KIF11: variants seen among roughly 807,000 people sequenced by gnomAD.
KIF11 encodes the protein kinesin-like protein KIF11.
A neutral mutation model predicts 121.0 loss-of-function variants in KIF11; 9 were observed. The observed-to-expected ratio is 0.07, with a 90% CI of 0.04 to 0.13. The LOEUF (loss-of-function observed/expected upper bound fraction) is 0.13, where lower values mean the gene tolerates loss of function less well. KIF11 is among the 10% of genes least tolerant of loss of function. The probability of loss-of-function intolerance (pLI) is 1.00; values close to 1 mark genes in which losing one functional copy is unlikely to be tolerated. For synonymous variants in KIF11, 408 were observed against 421.0 expected, an observed-to-expected ratio of 0.97 and a Z score of 0.38; for missense variants, 846 against 1,217.5, an observed-to-expected ratio of 0.69 and a Z score of 4.54.
intron 6 of KIF11, among the ~76,000 whole-genome samples, chr10:92,609,931 T>A (rs1326670235): frequency 6.6e-6 from 1 of 152,094 alleles, no homozygotes; most frequent in Non-Finnish European, 1.5e-5. Context: ...GAGATGTGGT[T>A]TCACCATGTT....
At chr10:92,595,316 T>C (rs1274759464) in intron 1 of KIF11, among the ~76,000 whole-genome samples, 1 of 152,164 alleles carries the variant, frequency 6.6e-6, no homozygotes, top group East Asian at 1.9e-4. Flanking sequence ...CACCTTGGCC[T>C]CCCAAAGTGC....
intron 17 of KIF11, 88 bp downstream of exon 17, chr10:92,639,988 C>A: frequency 1.5e-6 from 1 of 655,464 alleles, no homozygotes. Flanking sequence ...AATAATTCCT[C>A]TGTGTACTTT....
intron 10 of KIF11, among the ~76,000 whole-genome samples, chr10:92,626,469 C>T (rs945551718): frequency 2.6e-5 from 4 of 152,098 alleles, no homozygotes; most frequent in African/African-American, 9.7e-5. Context: ...TGTAAAAAAC[C>T]TAGGTGTTTG....
chr10:92,599,058 G>A (rs1844334176), intron 1 of KIF11, among the ~76,000 whole-genome samples: 1 of 151,760 alleles, frequency 6.6e-6, no homozygotes, highest in Non-Finnish European at 1.5e-5. Flanking sequence ...GATTATAGGC[G>A]TGAGCCACTG....
intron 1 of KIF11, among the ~76,000 whole-genome samples, chr10:92,600,888 T>C (rs1844361823): frequency 6.6e-6 from 1 of 151,842 alleles, no homozygotes. Flanking sequence ...TGAGATGGAG[T>C]CTCGCTCTGT....
In KIF11 at chr10:92,613,988, GTA is replaced by G. The variant is rs150830394; in HGVS notation, c.1032+371_1032+372del. Among the ~76,000 whole-genome samples, 12,443 of 111,994 alleles carry G rather than the reference GTA, an allele frequency of 0.11. 688 individuals are homozygous for G. The highest frequency in any genetic ancestry group is 0.19 in the South Asian group (721 of 3,796). The allele number at this position is 111,994 out of a possible 152,430, so 73.5% of individuals were successfully genotyped here. A position where few individuals can be genotyped will look rare whatever the true frequency, so the allele number is the denominator to read the frequency against. ...GAGACCCCATCTCAAAAAAAAAAAA[GTA>G]TGTGTATAAAAAAAAAGAAAAGTAT... On this transcript the variant is annotated intron_variant, in intron 8 of 21. Coordinates refer to ENST00000260731, the MANE Select transcript of KIF11 (RefSeq NM_004523.4). This position sits in a 1 kb window ranked among gnomAD's most constrained non-coding sequence, Gnocchi z 4.2.
chr10:92,625,672 G>T (rs530725695), intron 10 of KIF11, among the ~76,000 whole-genome samples: 1 of 151,970 alleles, frequency 6.6e-6, no homozygotes, highest in South Asian at 2.1e-4. Flanking sequence ...TTTATACTTA[G>T]AAAACCCCAT....
chr10:92,597,542 A>T (rs567508736), intron 1 of KIF11, among the ~76,000 whole-genome samples: 1 of 151,138 alleles, frequency 6.6e-6, no homozygotes, highest in Admixed American at 6.6e-5. Context: ...TGGGATTATG[A>T]GTGTGAGCCC....
At chr10:92,619,109 C>T (rs987214729) in intron 9 of KIF11, among the ~76,000 whole-genome samples, 13 of 152,098 alleles carry the variant, frequency 8.5e-5, no homozygotes, top group African/African-American at 1.9e-4. Flanking sequence ...CTCCGCCTCC[C>T]GGGTTCAAGC....
At chr10:92,635,972 C>T (rs899416085) in intron 14 of KIF11, among the ~76,000 whole-genome samples, 3 of 151,798 alleles carry the variant, frequency 2.0e-5, no homozygotes, top group East Asian at 1.9e-4. Context: ...CTTCCTCAGC[C>T]CTATCCTACC....
chr10:92,623,447 A>G (rs1564709972), intron 10 of KIF11, among the ~76,000 whole-genome samples: 1 of 152,230 alleles, frequency 6.6e-6, no homozygotes, highest in African/African-American at 2.4e-5. Flanking sequence ...CAAGACTTTC[A>G]CAGAGCATTT....
At chr10:92,633,487 T>C in intron 13 of KIF11, 136 bp from the exon 14 acceptor site, 3 of 629,282 alleles carry the variant, frequency 4.8e-6, no homozygotes, top group African/African-American at 1.9e-5. Flanking sequence ...TGCTTTGTAG[T>C]GAGCCAGTTC....
At chr10:92,639,995 C>T (rs1405395145) in intron 17 of KIF11, 95 bp downstream of exon 17, 4 of 622,184 alleles carry the variant, frequency 6.4e-6, no homozygotes, top group Middle Eastern at 4.5e-4. Context: ...CCTCTGTGTA[C>T]TTTCAAATTT....
intron 1 of KIF11, among the ~76,000 whole-genome samples, chr10:92,600,360 G>A (rs1475286481): frequency 2.6e-5 from 4 of 152,016 alleles, no homozygotes; most frequent in African/African-American, 9.7e-5. Context: ...TGCATGATGT[G>A]CAGGTTTATC....
At position 92,609,305 on chromosome 10, in the gene KIF11, T is replaced by TGA. The variant is rs1364591577; in HGVS notation, c.574-79_574-78insAG. The stretch of plus-strand genomic sequence containing the variant: ...GAGAGAGAGAGAGAGAGAGAGAGAG[T>TGA]GTGTGTGTGTGTGTGTGTGTGTGTG... On this transcript the variant is annotated intron_variant, in intron 5 of 21. Coordinates refer to ENST00000260731, the MANE Select transcript of KIF11 (RefSeq NM_004523.4). 1,990 of 343,426 alleles carry TGA rather than the reference T, an allele frequency of 5.8e-3. 1 individual carries two copies. Among genetic ancestry groups the TGA allele is most frequent in the Middle Eastern group, 0.014 (11 of 762 alleles). 21.3% of individuals were successfully genotyped at this position (343,426 alleles called of 1,614,324 possible).
At position 92,613,372 on chromosome 10, in the gene KIF11, T is replaced by C. The variant is rs1397329934; in HGVS notation, c.790-5T>C. The C allele has an allele frequency of 6.3e-7, 1 of 1,578,562 alleles. No individual in the cohort carries two copies. The highest frequency in any genetic ancestry group is 8.6e-7 in the Non-Finnish European group (1 of 1,161,286). Reference sequence around the variant, plus strand: ...CACTTTTTATTTTTATTTTTAAAATTAAAGGTTGATCTTGCAGGAAGTGAA... The same window carrying C: ...CACTTTTTATTTTTATTTTTAAAATCAAAGGTTGATCTTGCAGGAAGTGAA... On this transcript the variant is annotated splice_polypyrimidine_tract_variant and splice_region_variant and intron_variant, in intron 7 of 21. Coordinates refer to ENST00000260731, the MANE Select transcript of KIF11 (RefSeq NM_004523.4). This position sits in a 1 kb window ranked among gnomAD's most constrained non-coding sequence, Gnocchi z 4.2.
chr10:92,611,791 CGGTA>C (rs1182693756), intron 6 of KIF11, among the ~76,000 whole-genome samples: 1 of 151,946 alleles, frequency 6.6e-6, no homozygotes, highest in East Asian at 1.9e-4. Flanking sequence ...CCCAGATACT[CGGTA>C]GGCTGAGGCA....
intron 10 of KIF11, among the ~76,000 whole-genome samples, chr10:92,624,638 G>A (rs879645501): frequency 1.8e-4 from 27 of 152,194 alleles, no homozygotes; most frequent in Middle Eastern, 3.4e-3. Flanking sequence ...TTGATTCCAC[G>A]TCTTTGCTGC....
Position 92,613,484 on chromosome 10 carries a change from T to C in KIF11, c.897T>C (p.Ile299=). The change falls in exon 8 of 22, where the codon ATT becomes ATC. Residue 299 remains isoleucine (I), a synonymous_variant. Transcript: ENST00000260731. The surrounding 1 kb of genome is among the most constrained non-coding windows in gnomAD (Gnocchi z 4.2). ...NQSLLTLGRV[I]TALVERTPHV... ...CCCTGTTGACTTTGGGAAGGGTCAT[T>C]ACTGCCCTTGTAGAAAGAACACCTC... 6.2e-7 allele frequency: 1 copy of C among 1,613,254 alleles called. No individual in the cohort carries two copies. The highest frequency in any genetic ancestry group is 8.5e-7 in the Non-Finnish European group (1 of 1,179,260).
Sources: allele counts gnomAD v4.1 joint callset (sites outside exome capture counted in the v4.1 genomes callset), GRCh38; gene constraint gnomAD v4.1.1; non-coding constraint Gnocchi (gnomAD v3.1); transcripts MANE v1.5; gene names NCBI Gene and HGNC (gene_info 2026-07-23, HGNC 2026-07-21).